TLK1: variants seen among roughly 807,000 people sequenced by gnomAD.
TLK1 encodes the protein serine/threonine-protein kinase tousled-like 1.
In TLK1, 24 loss-of-function variants were observed where a neutral mutation model predicts 105.3. The ratio of observed to expected loss-of-function variants is 0.23; its 90% CI spans 0.17 to 0.32. The LOEUF (loss-of-function observed/expected upper bound fraction) is 0.32, where lower values mean the gene tolerates loss of function less well. Ranked by LOEUF, TLK1 falls within the 10% of genes least tolerant of loss-of-function variation. The pLI, the probability that TLK1 is intolerant of heterozygous loss-of-function variation, is 1.00. For missense variants in TLK1, 558 were observed against 910.5 expected, an observed-to-expected ratio of 0.61 and a Z score of 4.98; for synonymous variants, 321 against 310.4, an observed-to-expected ratio of 1.03 and a Z score of -0.36.
At chr2:171,230,663 C>T (rs1319298440) in intron 1 of TLK1, among the ~76,000 whole-genome samples, 1 of 152,178 alleles carries the variant, frequency 6.6e-6, no homozygotes, top group African/African-American at 2.4e-5. Context: ...AATTAAACTG[C>T]TTTCTTTTCT....
chr2:171,037,333 C>T (rs941095740), intron 11 of TLK1, among the ~76,000 whole-genome samples: 21 of 150,314 alleles, frequency 1.4e-4, no homozygotes, highest in African/African-American at 4.2e-4. Context: ...CCCAGCTACT[C>T]GGGAGGCTGA....
intron 1 of TLK1, among the ~76,000 whole-genome samples, chr2:171,229,721 A>G (rs1693959116): frequency 6.6e-6 from 1 of 152,214 alleles, no homozygotes; most frequent in Non-Finnish European, 1.5e-5. Flanking sequence ...ATAAAAACAA[A>G]TCCTTCCTCC....
At chr2:171,127,617 AT>A (rs1004914935) in intron 1 of TLK1, among the ~76,000 whole-genome samples, 7 of 151,916 alleles carry the variant, frequency 4.6e-5, no homozygotes, top group African/African-American at 1.5e-4. Context: ...CATTTCCTAC[AT>A]TTTTTTCTAA....
At chr2:171,125,051 T>C (rs1346058765) in intron 1 of TLK1, among the ~76,000 whole-genome samples, 1 of 152,212 alleles carries the variant, frequency 6.6e-6, no homozygotes, top group Non-Finnish European at 1.5e-5. Flanking sequence ...CTAAAACAAG[T>C]TTATTTTCTC....
intron 14 of TLK1, among the ~76,000 whole-genome samples, chr2:171,008,197 G>C (rs1031747268): frequency 5.3e-5 from 8 of 152,098 alleles, no homozygotes; most frequent in African/African-American, 1.9e-4. Context: ...TATTCTGTTT[G>C]CAATCAGATT....
intron 1 of TLK1, among the ~76,000 whole-genome samples, chr2:171,151,690 T>C (rs1296144198): frequency 6.6e-6 from 1 of 151,322 alleles, no homozygotes; most frequent in African/African-American, 2.4e-5. Context: ...TTAGCCAGGA[T>C]GGTCTCGATC....
chr2:171,075,984 G>A (rs552470783), intron 3 of TLK1, among the ~76,000 whole-genome samples: 2 of 152,172 alleles, frequency 1.3e-5, no homozygotes, highest in Non-Finnish European at 2.9e-5. Context: ...TTGGGAGGAT[G>A]AAGTGGGCAG....
chr2:171,017,875 A>G (rs1300159896), intron 12 of TLK1, among the ~76,000 whole-genome samples: 6 of 152,234 alleles, frequency 3.9e-5, no homozygotes, highest in Non-Finnish European at 8.8e-5. Flanking sequence ...TAAACCCACC[A>G]TACTCAGTGA....
At position 171,115,381 on chromosome 2, in the gene TLK1, G is replaced by A. The variant is rs1690377018; in HGVS notation, c.258+2358C>T. On this transcript the variant is annotated intron_variant, in intron 2 of 20. Transcript: ENST00000431350. Reference sequence around the variant, plus strand: ...AATAGAGACGGGGTTTCTCCATGTTGAGGCTGGTCTTGAACTCCTGACCTC... The same window carrying A: ...AATAGAGACGGGGTTTCTCCATGTTAAGGCTGGTCTTGAACTCCTGACCTC... Among the ~76,000 whole-genome samples, 3 of 151,812 alleles carry A rather than the reference G, an allele frequency of 2.0e-5. No individual in the cohort carries two copies. The South Asian group carries it at 6.2e-4, about 32-fold the overall frequency.
At chr2:171,203,877 C>A (rs920653697) in intron 1 of TLK1, among the ~76,000 whole-genome samples, 4 of 152,064 alleles carry the variant, frequency 2.6e-5, no homozygotes, top group African/African-American at 9.7e-5. Context: ...TGGCGAAACC[C>A]TATCTCTACT....
intron 1 of TLK1, among the ~76,000 whole-genome samples, chr2:171,215,768 G>A (rs1693701990): frequency 6.6e-6 from 1 of 152,188 alleles, no homozygotes; most frequent in South Asian, 2.1e-4. Context: ...AGCATAGGCA[G>A]TGAGCAGCTG....
At chr2:170,994,855 G>A (rs922297931) in intron 20 of TLK1, 1 of 361,390 alleles carries the variant, frequency 2.8e-6, no homozygotes, top group South Asian at 2.3e-5. Context: ...TCCTTTTTTG[G>A]GGGGGGAGGG....
At chr2:171,120,036 C>T (rs1690587883) in intron 1 of TLK1, among the ~76,000 whole-genome samples, 1 of 152,064 alleles carries the variant, frequency 6.6e-6, no homozygotes, top group African/African-American at 2.4e-5. Flanking sequence ...CACTTGAGGT[C>T]AGCAGTTCGA....
chr2:171,143,645 A>T (rs944916974), intron 1 of TLK1, among the ~76,000 whole-genome samples: 1 of 151,502 alleles, frequency 6.6e-6, no homozygotes, highest in Admixed American at 6.6e-5. Context: ...GTAGACTCTG[A>T]TAAGCTAAGA....
chr2:171,198,088 G>A (rs184784387), intron 1 of TLK1, among the ~76,000 whole-genome samples: 1 of 152,226 alleles, frequency 6.6e-6, no homozygotes, highest in South Asian at 2.1e-4. Flanking sequence ...TTGCATAGGG[G>A]AGATGGTCTT....
intron 2 of TLK1, among the ~76,000 whole-genome samples, chr2:171,100,845 A>G (rs1352227823): frequency 6.6e-6 from 1 of 152,112 alleles, no homozygotes; most frequent in East Asian, 1.9e-4. Flanking sequence ...GAACTAAAAC[A>G]TATGTCTACA....
At chr2:171,176,235 C>T (rs796397400) in intron 1 of TLK1, among the ~76,000 whole-genome samples, 13 of 152,098 alleles carry the variant, frequency 8.5e-5, no homozygotes, top group African/African-American at 1.9e-4. Context: ...CCACTGTGCC[C>T]GGCCGGGATA....
chr2:171,001,881 A>G (rs1488080749), intron 18 of TLK1, among the ~76,000 whole-genome samples: 1 of 152,086 alleles, frequency 6.6e-6, no homozygotes, highest in African/African-American at 2.4e-5. Flanking sequence ...ACTGGGTTCA[A>G]GCAATTCTCC....
chr2:171,002,321 C>T (rs563066875), intron 18 of TLK1, among the ~76,000 whole-genome samples: 1 of 152,172 alleles, frequency 6.6e-6, no homozygotes, highest in African/African-American at 2.4e-5. Context: ...TGCCATGGCA[C>T]AATCTCAGCT....
Sources: allele counts gnomAD v4.1 joint callset (sites outside exome capture counted in the v4.1 genomes callset), GRCh38; gene constraint gnomAD v4.1.1; transcripts MANE v1.5; gene names NCBI Gene and HGNC (gene_info 2026-07-23, HGNC 2026-07-21).